Variants in RBFOX1 observed in about 807,000 individuals in gnomAD.
The protein encoded by RBFOX1 is RNA binding fox-1 homolog 1.
A neutral mutation model predicts 57.7 loss-of-function variants in RBFOX1; 8 were observed. The observed-to-expected ratio is 0.14, with a 90% CI of 0.08 to 0.25. The LOEUF (loss-of-function observed/expected upper bound fraction) is 0.25, where lower values mean the gene tolerates loss of function less well. RBFOX1 is among the 10% of genes least tolerant of loss of function. The pLI, the probability that RBFOX1 is intolerant of heterozygous loss-of-function variation, is 1.00. For synonymous variants in RBFOX1, 326 were observed against 222.4 expected (o/e 1.47, Z -4.15); for missense variants, 611 against 548.5 (o/e 1.11, Z -1.14).
chr16:7,385,919 C>CTTTTTTATTTAT (rs57254482), intron 4 of RBFOX1, among the ~76,000 whole-genome samples: 7,818 of 135,156 alleles, frequency 0.058, 404 homozygotes, highest in African/African-American at 0.12. Context: ...TGCCCAGTTA[C>CTTTTTTATTTAT]TTATTTATTT....
intron 2 of RBFOX1, among the ~76,000 whole-genome samples, chr16:6,468,083 G>C (rs1014307036): frequency 2.0e-5 from 3 of 152,120 alleles, no homozygotes; most frequent in Non-Finnish European, 4.4e-5. Context: ...ACGGAGTGGG[G>C]ATGGTGATTT....
At chr16:5,975,958 A>T (rs976228367) in intron 4 of RBFOX1, among the ~76,000 whole-genome samples, 1 of 152,146 alleles carries the variant, frequency 6.6e-6, no homozygotes, top group African/African-American at 2.4e-5. Flanking sequence ...AGCCTGGCCA[A>T]CACGGTGAAA....
intron 4 of RBFOX1, among the ~76,000 whole-genome samples, chr16:7,397,167 T>C (rs532422156): frequency 5.9e-5 from 9 of 152,336 alleles, no homozygotes; most frequent in African/African-American, 2.2e-4. Flanking sequence ...TTTACCAAAA[T>C]GTTACCATCT....
At chr16:5,385,367 G>C (rs1389250063) in intron 1 of RBFOX1, among the ~76,000 whole-genome samples, 1 of 152,208 alleles carries the variant, frequency 6.6e-6, no homozygotes, top group Non-Finnish European at 1.5e-5. Context: ...CAGGCAGAGA[G>C]GATGTAAAAT....
intron 4 of RBFOX1, among the ~76,000 whole-genome samples, chr16:7,137,959 A>C (rs931676299): frequency 6.6e-6 from 1 of 152,132 alleles, no homozygotes; most frequent in Non-Finnish European, 1.5e-5. Context: ...GTTAGCCTCT[A>C]TTTTCATGGT....
At chr16:5,304,406 T>C (rs2063880316) in intron 1 of RBFOX1, among the ~76,000 whole-genome samples, 1 of 152,190 alleles carries the variant, frequency 6.6e-6, no homozygotes, top group African/African-American at 2.4e-5. Context: ...AAGAGCTCTT[T>C]TTCCTCCTAC....
intron 4 of RBFOX1, among the ~76,000 whole-genome samples, chr16:5,958,845 C>A (rs535542024): frequency 1.3e-5 from 2 of 152,268 alleles, no homozygotes; most frequent in East Asian, 1.9e-4. Flanking sequence ...ATATTACTAA[C>A]CTTGGTTCTC....
intron 3 of RBFOX1, among the ~76,000 whole-genome samples, chr16:6,879,851 T>TC (rs2062573819): frequency 6.6e-6 from 1 of 152,234 alleles, no homozygotes; most frequent in African/African-American, 2.4e-5. Context: ...GTTTGAGACA[T>TC]TTTGAATTAT....
intron 4 of RBFOX1, among the ~76,000 whole-genome samples, chr16:7,371,915 T>C (rs1418774216): frequency 6.6e-6 from 1 of 151,842 alleles, no homozygotes; most frequent in Non-Finnish European, 1.5e-5. Context: ...CCTTCAGTTT[T>C]TCTACACTAG....
chr16:6,119,071 G>C (rs1597469273), intron 1 of RBFOX1, among the ~76,000 whole-genome samples: 1 of 151,410 alleles, frequency 6.6e-6, no homozygotes, highest in East Asian at 1.9e-4. Flanking sequence ...CTTGCCATGG[G>C]ATCTTGGGTG....
At chr16:7,048,262 G>GT (rs1256429914) in intron 3 of RBFOX1, among the ~76,000 whole-genome samples, 2 of 150,800 alleles carry the variant, frequency 1.3e-5, no homozygotes, top group Non-Finnish European at 3.0e-5. Context: ...GTTTTGTTTT[G>GT]TTTGTTTGTT....
At chr16:5,989,147 T>C (rs1414173295) in intron 4 of RBFOX1, among the ~76,000 whole-genome samples, 2 of 148,998 alleles carry the variant, frequency 1.3e-5, no homozygotes, top group East Asian at 2.0e-4. Flanking sequence ...AGTGAAACCC[T>C]GTCTCTACTA....
At chr16:5,267,472 A>G (rs1387628822) in intron 1 of RBFOX1, among the ~76,000 whole-genome samples, 1 of 151,808 alleles carries the variant, frequency 6.6e-6, no homozygotes, top group Non-Finnish European at 1.5e-5. Flanking sequence ...TAATTTTTGT[A>G]TTTTTAGTAG....
intron 3 of RBFOX1, among the ~76,000 whole-genome samples, chr16:5,780,193 G>A (rs570195403): frequency 5.8e-4 from 89 of 152,244 alleles, no homozygotes; most frequent in African/African-American, 2.1e-3. Context: ...AGTGGAGATG[G>A]GATTTCACTA....
chr16:6,379,807 T>C (rs1184937108), intron 2 of RBFOX1, among the ~76,000 whole-genome samples: 1 of 152,102 alleles, frequency 6.6e-6, no homozygotes, highest in Non-Finnish European at 1.5e-5. Context: ...CTAAGTTTTG[T>C]TGTGCAAGAA....
intron 3 of RBFOX1, among the ~76,000 whole-genome samples, chr16:6,764,125 G>T (rs146850976): frequency 6.6e-6 from 1 of 152,158 alleles, no homozygotes; most frequent in African/African-American, 2.4e-5. Flanking sequence ...CAGTCTTTGC[G>T]TATGGAGAGG....
intron 3 of RBFOX1, among the ~76,000 whole-genome samples, chr16:6,846,764 T>C (rs1298242212): frequency 6.6e-6 from 1 of 152,196 alleles, no homozygotes; most frequent in African/African-American, 2.4e-5. Flanking sequence ...CATTTGTCTT[T>C]GATAGGAGAT....
chr16:7,191,685 G>A (rs2085426811), intron 4 of RBFOX1, among the ~76,000 whole-genome samples: 2 of 152,186 alleles, frequency 1.3e-5, no homozygotes. Flanking sequence ...GCATGCTCAC[G>A]ATTAAATACT....
intron 7 of RBFOX1, among the ~76,000 whole-genome samples, chr16:7,590,223 C>G (rs191132770): frequency 1.7e-3 from 262 of 151,872 alleles, no homozygotes; most frequent in Middle Eastern, 3.4e-3. Flanking sequence ...GCTATGATTG[C>G]ACCACTGCAT....
Sources: gnomAD v4.1 joint callset for allele counts (sites outside exome capture counted in the v4.1 genomes callset) on GRCh38, gnomAD v4.1.1 for gene constraint, MANE v1.5 for transcripts, NCBI Gene and HGNC (gene_info 2026-07-23, HGNC 2026-07-21) for gene names.